Variants in PRMT8 observed in about 807,000 individuals in gnomAD.
PRMT8 encodes protein arginine methyltransferase 8, also known as protein arginine N-methyltransferase 8.
PRMT8 carries 7 observed loss-of-function variants against 47.1 expected under a neutral mutation model. The ratio of observed to expected loss-of-function variants is 0.15; its 90% CI spans 0.08 to 0.28. The LOEUF (loss-of-function observed/expected upper bound fraction) is 0.28. Among genes scored for constraint, PRMT8 ranks in the 10% least tolerant of loss-of-function variants. The pLI, the probability that PRMT8 is intolerant of heterozygous loss-of-function variation, is 1.00. For missense variants in PRMT8, 237 were observed against 505.4 expected (o/e 0.47, Z 5.09); for synonymous variants, 188 against 186.5 (o/e 1.01, Z -0.07).
At chr12:3,464,894 G>C (rs1404638936) in intron 1 of PRMT8, among the ~76,000 whole-genome samples, 1 of 152,036 alleles carries the variant, frequency 6.6e-6, no homozygotes, top group African/African-American at 2.4e-5. Context: ...GGAGGCCGAG[G>C]TGGGTGGATC....
chr12:3,404,124 G>T (rs1378283396), intron 1 of PRMT8, among the ~76,000 whole-genome samples: 1 of 152,010 alleles, frequency 6.6e-6, no homozygotes, highest in African/African-American at 2.4e-5. Context: ...AGATACTGTT[G>T]AGGCCTCTTT....
rs1368519942 is a variant in PRMT8, at chr12:3,492,230, G to T, written c.75+530G>T. ...GCAGCCGCGCGGAGAGCCCCCGGCC[G>T]CGGGGGCCGAGCCGGCAGGAGGACT... On this transcript the variant is annotated intron_variant, in intron 1 of 9. Coordinates refer to ENST00000382622, the MANE Select transcript of PRMT8 (RefSeq NM_019854.5). This position sits in a 1 kb window ranked among gnomAD's most constrained non-coding sequence, Gnocchi z 7.5. 6.6e-6 allele frequency among the ~76,000 whole-genome samples: 1 copy of T among 152,054 alleles called. No homozygotes were observed. Among genetic ancestry groups the T allele is most frequent in the Non-Finnish European group, 1.5e-5 (1 of 67,998 alleles).
intron 4 of PRMT8, among the ~76,000 whole-genome samples, chr12:3,556,061 G>C (rs1249498236): frequency 6.6e-6 from 1 of 152,096 alleles, no homozygotes; most frequent in African/African-American, 2.4e-5. Flanking sequence ...CATGGGGGTG[G>C]CAGGAGTGAG....
At chr12:3,532,611 CAAAAAAA>C (rs35698030) in intron 1 of PRMT8, among the ~76,000 whole-genome samples, 3 of 24,654 alleles carry the variant, frequency 1.2e-4, no homozygotes, top group East Asian at 2.6e-3. Flanking sequence ...GACTCCGTCT[CAAAAAAA>C]AAAAAAAAAA....
At chr12:3,565,386 C>G (rs185866233) in intron 4 of PRMT8, among the ~76,000 whole-genome samples, 1 of 152,018 alleles carries the variant, frequency 6.6e-6, no homozygotes, top group Admixed American at 6.6e-5. Flanking sequence ...GCAGGTTGAG[C>G]ACAAAAGCAC....
intron 8 of PRMT8, among the ~76,000 whole-genome samples, chr12:3,590,511 C>G (rs1336497235): frequency 6.6e-6 from 1 of 152,054 alleles, no homozygotes; most frequent in Non-Finnish European, 1.5e-5. Flanking sequence ...TAGTGACTAG[C>G]CTTTGTTCTG....
intron 1 of PRMT8, among the ~76,000 whole-genome samples, chr12:3,457,498 G>A (rs919652585): frequency 8.6e-5 from 13 of 151,914 alleles, no homozygotes; most frequent in Non-Finnish European, 2.9e-5. Flanking sequence ...TTGTAGAGAC[G>A]GGGTCTCCCT....
At chr12:3,467,444 A>G (rs970704769) in intron 1 of PRMT8, among the ~76,000 whole-genome samples, 9 of 151,960 alleles carry the variant, frequency 5.9e-5, no homozygotes, top group African/African-American at 1.4e-4. Context: ...ATTGTCCCCA[A>G]TCCTGATTCC....
intron 2 of PRMT8, among the ~76,000 whole-genome samples, chr12:3,546,412 G>C (rs931034717): frequency 2.0e-5 from 3 of 152,036 alleles, no homozygotes; most frequent in African/African-American, 7.2e-5. Flanking sequence ...TTTTGAAAAG[G>C]CTAATTAAAT....
rs188147485 is a variant in PRMT8 at position 3,401,138 on chromosome 12, A to C, written c.48+19696A>C. On this transcript the variant is annotated intron_variant, in intron 1 of 9. Coordinates refer to the PRMT8 transcript ENST00000452611. ...CTCCAGCCTGGACAACAAGAGCGAA[A>C]CTCCATCTCAAAAAAAAAAAAAAAA... Among the ~76,000 whole-genome samples, 148 of 124,568 alleles carry C rather than the reference A, an allele frequency of 1.2e-3. 1 individual carries two copies. Among genetic ancestry groups the C allele is most frequent in the African/African-American group, 4.2e-3 (140 of 33,182 alleles). 81.7% of individuals were successfully genotyped at this position (124,568 alleles called of 152,430 possible). A position where few individuals can be genotyped will look rare whatever the true frequency, so the allele number is the denominator to read the frequency against.
intron 6 of PRMT8, among the ~76,000 whole-genome samples, chr12:3,571,839 T>A (rs557871671): frequency 2.5e-4 from 38 of 152,336 alleles, no homozygotes; most frequent in Non-Finnish European, 1.8e-4. Flanking sequence ...AAATGGAGAC[T>A]TTGGTTACTA....
At chr12:3,592,473 C>A in intron 9 of PRMT8, 121 bp downstream of exon 9, 1 of 1,090,722 alleles carries the variant, frequency 9.2e-7, no homozygotes, top group Non-Finnish European at 1.3e-6. Flanking sequence ...CTGAGGCAGG[C>A]AGTCGGTAGC....
chr12:3,450,376 G>A (rs566072232), intron 1 of PRMT8, among the ~76,000 whole-genome samples: 32 of 152,236 alleles, frequency 2.1e-4, no homozygotes, highest in Non-Finnish European at 4.0e-4. Context: ...TTTAAATGTT[G>A]ACAAGTCTCA....
intron 1 of PRMT8, among the ~76,000 whole-genome samples, chr12:3,426,037 C>T (rs1005457750): frequency 2.6e-5 from 4 of 152,188 alleles, no homozygotes; most frequent in African/African-American, 4.8e-5. Context: ...GGGGCTGACC[C>T]GCAGGGTGCA....
At chr12:3,441,078 T>C (rs1862004962) in intron 1 of PRMT8, among the ~76,000 whole-genome samples, 1 of 152,194 alleles carries the variant, frequency 6.6e-6, no homozygotes, top group African/African-American at 2.4e-5. Context: ...AAGTTTGATA[T>C]ATGGGATATT....
chr12:3,430,494 T>C (rs1252096067), intron 1 of PRMT8, among the ~76,000 whole-genome samples: 1 of 152,234 alleles, frequency 6.6e-6, no homozygotes, highest in Non-Finnish European at 1.5e-5. Flanking sequence ...ACAATATTGA[T>C]TTCAGAGTAT....
In PRMT8 at chr12:3,550,647, G is replaced by C. The variant is rs986947203; in HGVS notation, c.417+556G>C. On this transcript the variant is annotated intron_variant, in intron 3 of 9. Coordinates refer to ENST00000382622, the MANE Select transcript of PRMT8 (RefSeq NM_019854.5). This position sits in a 1 kb window ranked among gnomAD's most constrained non-coding sequence, Gnocchi z 5.1. ...ATTATAGTTGAGATGGGGCCCTAGA[G>C]ATAATGGGAACATCTCCTTCTTGTT... The C allele has an allele frequency of 3.9e-5, 6 of 152,274 alleles. 1 individual carries two copies. Among genetic ancestry groups the C allele is most frequent in the Non-Finnish European group, 8.8e-5 (6 of 68,090 alleles). The allele number at this position is 152,274 out of a possible 1,614,324, so 9.4% of individuals were successfully genotyped here.
chr12:3,495,309 G>A (rs10848870), intron 1 of PRMT8, among the ~76,000 whole-genome samples: 150,004 of 152,338 alleles, frequency 0.98, 73,900 homozygotes, highest in East Asian at 1. Flanking sequence ...CCTACAGGAC[G>A]CTAGATAAAG....
intron 1 of PRMT8, among the ~76,000 whole-genome samples, chr12:3,527,803 T>A (rs1219510821): frequency 6.6e-6 from 1 of 152,140 alleles, no homozygotes; most frequent in Non-Finnish European, 1.5e-5. Context: ...CACATGGTAT[T>A]GTTTTCCTTC....
Sources: gnomAD v4.1 joint callset for allele counts (sites outside exome capture counted in the v4.1 genomes callset) on GRCh38, gnomAD v4.1.1 for gene constraint, Gnocchi (gnomAD v3.1) non-coding constraint, MANE v1.5 for transcripts, NCBI Gene and HGNC (gene_info 2026-07-23, HGNC 2026-07-21) for gene names.